The following FLNB variants were observed in gnomAD, a reference collection of about 807,000 sequenced individuals.
FLNB encodes filamin B.
Under a neutral mutation model 250.6 loss-of-function variants are expected in FLNB, and 111 were observed. That is an observed-to-expected ratio of 0.44 (90% CI 0.38 to 0.52). The LOEUF (loss-of-function observed/expected upper bound fraction) is 0.52, where lower values mean the gene tolerates loss of function less well. Among genes scored for constraint, FLNB ranks in the 20% least tolerant of loss-of-function variants. The pLI, the probability that FLNB is intolerant of heterozygous loss-of-function variation, is 0.00. For synonymous variants in FLNB, 1,302 were observed against 1,372.1 expected (o/e 0.95, Z 1.13); for missense variants, 2,869 against 3,447.8 (o/e 0.83, Z 4.20).
At chr3:58,011,854 C>T (rs2097099386) in intron 1 of FLNB, among the ~76,000 whole-genome samples, 1 of 152,180 alleles carries the variant, frequency 6.6e-6, no homozygotes, top group Admixed American at 6.5e-5. Context: ...CTGTCCTGGG[C>T]ATGTGTTGCT....
In FLNB at chr3:58,153,440, A is replaced by G. The variant is rs1194752877; in HGVS notation, c.6433A>G (p.Ile2145Val). The change falls in exon 39 of 46, where the codon ATT becomes GTT. Residue 2145 changes from isoleucine (I) to valine (V), a missense_variant. By Grantham distance (29) the Ile-to-Val change is conservative. Coordinates refer to ENST00000295956, the MANE Select transcript of FLNB (RefSeq NM_001457.4). The stretch of plus-strand genomic sequence containing the variant: ...CTCTGGCCGTGTGACTGAGGCAGAG[A>G]TTGTGCCCATGGGGAAGAACTCACA... ...SPSGRVTEAE[I>V]VPMGKNSHCV... 6.2e-7 allele frequency: 1 copy of G among 1,614,220 alleles called. No individual in the cohort carries two copies. The highest frequency in any genetic ancestry group is 1.7e-5 in the Admixed American group (1 of 60,034).
At chr3:58,052,006 C>A (rs2097163174) in intron 1 of FLNB, among the ~76,000 whole-genome samples, 1 of 152,096 alleles carries the variant, frequency 6.6e-6, no homozygotes. Flanking sequence ...CGTGCCTCAG[C>A]CTCCTGAGTG....
In FLNB at chr3:58,146,830, C is replaced by T. The variant is rs765952756; in HGVS notation, c.5565C>T (p.Asp1855=). 4.3e-6 allele frequency: 7 copies of T among 1,614,192 alleles called. No homozygotes were observed. The highest frequency in any genetic ancestry group is 5.9e-6 in the Non-Finnish European group (7 of 1,180,040). ...TGTTCCCACTTGTAGGTGGTCTGGA[C>T]TTGGCTATTGAGGGCCCCTCAAAAG... ...VTEDAGEGGL[D]LAIEGPSKAE... is the part of the protein sequence containing the mutation. The change falls in exon 34 of 46, where the codon GAC becomes GAT. Residue 1855 remains aspartate (D), a synonymous_variant. Transcript: ENST00000295956.
At chr3:58,036,580 G>A (rs1020288721) in intron 1 of FLNB, among the ~76,000 whole-genome samples, 4 of 152,196 alleles carry the variant, frequency 2.6e-5, no homozygotes, top group Non-Finnish European at 5.9e-5. Context: ...AAGCACTGAT[G>A]TTAAGTTTTA....
chr3:58,095,448 G>T (rs565956371), intron 5 of FLNB, among the ~76,000 whole-genome samples: 1 of 152,202 alleles, frequency 6.6e-6, no homozygotes, highest in South Asian at 2.1e-4. Flanking sequence ...TAGAGACAGG[G>T]TTTCACCACA....
At position 58,074,192 on chromosome 3, in the gene FLNB, C is replaced by T. The variant is rs141707188; in HGVS notation, c.293-2854C>T. Among the ~76,000 whole-genome samples, 656 of 152,316 alleles carry T rather than the reference C, an allele frequency of 4.3e-3. 3 individuals are homozygous for T. The highest frequency in any genetic ancestry group is 6.5e-3 in the Non-Finnish European group (441 of 68,034). On this transcript the variant is annotated intron_variant, in intron 1 of 45. Transcript: ENST00000295956. ...AGACCAAGAACATCAGCATTACCTA[C>T]GAATTTATTGGAAATTCAAATTCTC...
chr3:58,022,353 A>G (rs2097115348), intron 1 of FLNB, among the ~76,000 whole-genome samples: 1 of 152,206 alleles, frequency 6.6e-6, no homozygotes, highest in Non-Finnish European at 1.5e-5. Context: ...GTAGTAGACA[A>G]CTGGGTCTGG....
intron 25 of FLNB, among the ~76,000 whole-genome samples, chr3:58,131,615 A>G (rs981035790): frequency 9.9e-5 from 15 of 152,176 alleles, no homozygotes; most frequent in Non-Finnish European, 2.1e-4. Context: ...CGCCAATGAT[A>G]TGTTCTTGGA....
At chr3:58,056,555 T>C (rs1381453962) in intron 1 of FLNB, among the ~76,000 whole-genome samples, 1 of 152,234 alleles carries the variant, frequency 6.6e-6, no homozygotes, top group Non-Finnish European at 1.5e-5. Flanking sequence ...GTCTTGCTCA[T>C]ACTTGTGTTT....
chr3:58,017,879 C>T (rs80262785), intron 1 of FLNB, among the ~76,000 whole-genome samples: 1 of 152,312 alleles, frequency 6.6e-6, no homozygotes, highest in East Asian at 1.9e-4. Flanking sequence ...GACTGCCTAT[C>T]AGACTGAGTT....
intron 1 of FLNB, among the ~76,000 whole-genome samples, chr3:58,059,484 G>A (rs2097174943): frequency 6.6e-6 from 1 of 152,168 alleles, no homozygotes; most frequent in Admixed American, 6.5e-5. Flanking sequence ...GGTTCTTGTT[G>A]AGCCGGGAAG....
At chr3:58,074,095 C>G (rs2097198441) in intron 1 of FLNB, among the ~76,000 whole-genome samples, 1 of 152,192 alleles carries the variant, frequency 6.6e-6, no homozygotes. Flanking sequence ...AGGAAGAACC[C>G]ATGATATAAA....
intron 1 of FLNB, among the ~76,000 whole-genome samples, chr3:58,052,016 G>A (rs10049213): frequency 0.057 from 8,662 of 152,102 alleles, 783 homozygotes; most frequent in African/African-American, 0.2. Context: ...CCTCCTGAGT[G>A]GCTGGGACTC....
rs1187690035 is a variant in FLNB at position 58,126,627 on chromosome 3, A to G, written c.4087A>G (p.Ile1363Val). ...AGGCGCAGGAATTGGTGGGCTTGGC[A>G]TAACTGTTGAGGGACCATCAGAGTC... ...TRGAGIGGLG[I>V]TVEGPSESKI... Residue 1363 changes from isoleucine (I) to valine (V), a missense_variant, in exon 24 of 46, where the codon ATA becomes GTA. Ile to Val is a conservative substitution (Grantham distance 29). Transcript: ENST00000295956. The G allele has an allele frequency of 4.3e-6, 7 of 1,614,144 alleles. No individual in the cohort carries two copies. In the East Asian group the frequency reaches 8.9e-5, roughly 21 times the overall value.
chr3:58,096,160 G>T lies in FLNB; in HGVS notation c.926G>T (p.Ser309Ile), dbSNP rs774083562. 1 of 1,613,974 alleles carries T rather than the reference G, an allele frequency of 6.2e-7. No homozygotes were observed. Among genetic ancestry groups the T allele is most frequent in the Non-Finnish European group, 8.5e-7 (1 of 1,179,906 alleles). ...NKEEAQVTPD[S>I]DKNKTYSVEY... Reference sequence around the variant, plus strand: ...TCCTAGGCACAAGTGACCCCTGACAGTGACAAGAACAAGACATACTCTGTG... The same window carrying T: ...TCCTAGGCACAAGTGACCCCTGACATTGACAAGAACAAGACATACTCTGTG... Residue 309 changes from serine (S) to isoleucine (I), a missense_variant, in exon 6 of 46, where the codon AGT becomes ATT. Around this residue, in one of 5 missense-constraint regions of FLNB, gnomAD observed 308 missense variants for 466.1 expected, o/e 0.66. Coordinates refer to ENST00000295956, the MANE Select transcript of FLNB (RefSeq NM_001457.4).
intron 43 of FLNB, among the ~76,000 whole-genome samples, chr3:58,168,031 C>T (rs150425953): frequency 8.3e-4 from 127 of 152,266 alleles, no homozygotes; most frequent in African/African-American, 3.0e-3. Flanking sequence ...CAAGTCTACC[C>T]GGAGAAGAAA....
In FLNB at chr3:58,118,881, C is replaced by G. The variant is rs569371124; in HGVS notation, c.2755C>G (p.Gln919Glu). 1.9e-6 allele frequency: 3 copies of G among 1,613,502 alleles called. No individual in the cohort carries two copies. Among genetic ancestry groups the G allele is most frequent in the East Asian group, 4.5e-5 (2 of 44,876 alleles). The change falls in exon 19 of 46, where the codon CAG (glutamine) becomes GAG (glutamate). Residue 919 changes from glutamine (Q) to glutamate (E), a missense_variant. Gln to Glu is a conservative substitution (Grantham distance 29). Coordinates refer to ENST00000295956, the MANE Select transcript of FLNB (RefSeq NM_001457.4). Reference sequence around the variant, plus strand: ...TTCTCTCTTGTTCCAGGGCAACATGCAGGTTCTGGTGACTTACGGTGGCGA... The same window carrying G: ...TTCTCTCTTGTTCCAGGGCAACATGGAGGTTCTGGTGACTTACGGTGGCGA... ...KYTPTQQGNM[Q>E]VLVTYGGDPI...
In FLNB at chr3:58,008,691, G is replaced by T; in HGVS notation, c.127G>T (p.Asp43Tyr). 1 of 1,614,166 alleles carries T rather than the reference G, an allele frequency of 6.2e-7. No individual in the cohort carries two copies. Among genetic ancestry groups the T allele is most frequent in the Non-Finnish European group, 8.5e-7 (1 of 1,180,038 alleles). ...CAAACGCATCGGCAACCTGCAGACCGACCTGAGCGACGGGCTGCGGCTCAT... is the reference window on the plus strand; with the variant it reads ...CAAACGCATCGGCAACCTGCAGACCTACCTGAGCGACGGGCTGCGGCTCAT... ...VNKRIGNLQTDLSDGLRLIAL... is the reference protein window; with the variant it reads ...VNKRIGNLQTYLSDGLRLIAL... The change falls in exon 1 of 46, where the codon GAC (aspartate) becomes TAC (tyrosine). Residue 43 changes from aspartate to tyrosine, a missense_variant. Coordinates refer to ENST00000295956, the MANE Select transcript of FLNB (RefSeq NM_001457.4).
chr3:58,112,996 G>A (rs2097271587), intron 18 of FLNB, among the ~76,000 whole-genome samples: 1 of 152,054 alleles, frequency 6.6e-6, no homozygotes, highest in Non-Finnish European at 1.5e-5. Context: ...ACAAGTTAAT[G>A]TTTATTTGTT....
Sources: allele counts gnomAD v4.1 joint callset (sites outside exome capture counted in the v4.1 genomes callset), GRCh38; gene constraint gnomAD v4.1.1; regional missense constraint gnomAD v4.1.1; transcripts MANE v1.5; gene names NCBI Gene and HGNC (gene_info 2026-07-23, HGNC 2026-07-21).